RPAP1: variants seen among roughly 807,000 people sequenced by gnomAD.
The protein encoded by RPAP1 is RNA polymerase II associated protein 1, also known as RNA polymerase II-associated protein 1.
Under a neutral mutation model 142.4 loss-of-function variants are expected in RPAP1, and 109 were observed. The observed-to-expected ratio is 0.77, with a 90% CI of 0.66 to 0.90. The LOEUF (loss-of-function observed/expected upper bound fraction) is 0.90. Among genes scored for constraint, RPAP1 ranks in the 40% least tolerant of loss-of-function variants. RPAP1 has a pLI of 0.00. For synonymous variants in RPAP1, 704 were observed against 738.9 expected, an observed-to-expected ratio of 0.95 and a Z score of 0.77; for missense variants, 1,546 against 1,751.7, an observed-to-expected ratio of 0.88 and a Z score of 2.10.
chr15:41,528,071 T>C, intron 10 of RPAP1, 44 bp from the exon 11 acceptor site: 2 of 1,604,192 alleles, frequency 1.2e-6, no homozygotes, highest in Non-Finnish European at 8.5e-7. Context: ...GCTGAAGTTA[T>C]CTAGAGGCTT....
At chr15:41,543,325 TC>T (rs2051989601) in intron 1 of RPAP1, among the ~76,000 whole-genome samples, 1 of 147,488 alleles carries the variant, frequency 6.8e-6, no homozygotes, top group African/African-American at 2.5e-5. Flanking sequence ...TTCTCCTGCC[TC>T]AGGCTCCCGA....
At chr15:41,543,838 C>T (rs1034769576) in intron 1 of RPAP1, 1 of 152,076 alleles carries the variant, frequency 6.6e-6, no homozygotes. Flanking sequence ...TAAAGAGTAA[C>T]TCGTAAAAAA....
At position 41,536,617 on chromosome 15, in the gene RPAP1, A is replaced by G. The variant is rs1163329949; in HGVS notation, c.214T>C (p.Ser72Pro). 6.2e-6 allele frequency: 10 copies of G among 1,613,946 alleles called. No homozygotes were observed. The highest frequency in any genetic ancestry group is 7.6e-6 in the Non-Finnish European group (9 of 1,179,992). Reference protein sequence around the residue: ...LPDLPPALVPSPPKRARPSPG... With the variant: ...LPDLPPALVPPPPKRARPSPG... Reference sequence around the variant, plus strand: ...CTGGGCCTGGCTCTCTTTGGAGGAGAAGGGACCAAAGCTGGGGGCAAATCT... The same window carrying G: ...CTGGGCCTGGCTCTCTTTGGAGGAGGAGGGACCAAAGCTGGGGGCAAATCT... The change falls in exon 3 of 25, where the codon TCT (serine) becomes CCT (proline). Residue 72 changes from serine (S) to proline (P), a missense_variant. By Grantham distance (74) the Ser-to-Pro change is moderately conservative. Transcript: ENST00000304330.
At position 41,535,504 on chromosome 15, in the gene RPAP1, C is replaced by T. The variant is rs769649819; in HGVS notation, c.541+8G>A. On this transcript the variant is annotated splice_region_variant and intron_variant, in intron 5 of 24. Transcript: ENST00000304330. ...GGCCAAGCCCAATCCTCTTCAACCCCGGCTCACCCTCTGGTGGGCCCACGT... is the reference window on the plus strand; with the variant it reads ...GGCCAAGCCCAATCCTCTTCAACCCTGGCTCACCCTCTGGTGGGCCCACGT... 1.7e-5 allele frequency: 27 copies of T among 1,597,682 alleles called. No individual in the cohort carries two copies. The highest frequency in any genetic ancestry group is 3.4e-5 in the South Asian group (3 of 88,122).
At chr15:41,530,884 C>G in intron 7 of RPAP1, 139 bp downstream of exon 7, 1 of 827,076 alleles carries the variant, frequency 1.2e-6, no homozygotes. Context: ...TGAAGACTGA[C>G]TTGAAGCCAA....
At chr15:41,541,923 T>G (rs2051976184) in intron 1 of RPAP1, among the ~76,000 whole-genome samples, 1 of 152,112 alleles carries the variant, frequency 6.6e-6, no homozygotes, top group Admixed American at 6.6e-5. Context: ...ATCTAATAAC[T>G]AAGCCAGCCT....
Position 41,534,826 on chromosome 15 carries a change from A to G in RPAP1, c.651T>C (p.Asp217=). Residue 217 remains aspartate (D), a synonymous_variant, in exon 6 of 25, where the codon GAT becomes GAC. Coordinates refer to ENST00000304330, the MANE Select transcript of RPAP1 (RefSeq NM_015540.4). ...TCTGGGCTTCCTGCTCAGCTTCTTG[A>G]TCCCTGAGCCCCTTCCCTGTGACCA... ...PNLVTGKGLR[D]QEAEQEAQTI... The G allele has an allele frequency of 6.2e-7, 1 of 1,614,040 alleles. No individual in the cohort carries two copies. Among genetic ancestry groups the G allele is most frequent in the Non-Finnish European group, 8.5e-7 (1 of 1,179,994 alleles).
At position 41,525,025 on chromosome 15, in the gene RPAP1, C is replaced by T. The variant is rs1376288434; in HGVS notation, c.2041G>A (p.Ala681Thr). The T allele has an allele frequency of 1.2e-6, 2 of 1,613,846 alleles. No individual in the cohort carries two copies. The highest frequency in any genetic ancestry group is 1.7e-6 in the Non-Finnish European group (2 of 1,179,956). Residue 681 changes from alanine (A) to threonine (T), a missense_variant, in exon 15 of 25, where the codon GCT (alanine) becomes ACT (threonine). Coordinates refer to ENST00000304330, the MANE Select transcript of RPAP1 (RefSeq NM_015540.4). ...TAACCGCCCTGGCCATAGGAGGCAGCCACAGCCCACAGACGGAGGGCCTCG... is the reference window on the plus strand; with the variant it reads ...TAACCGCCCTGGCCATAGGAGGCAGTCACAGCCCACAGACGGAGGGCCTCG... ...STEALRLWAV[A>T]ASYGQGGYLY...
chr15:41,521,684 C>T (rs539722982), intron 21 of RPAP1, 54 bp downstream of exon 21: 150 of 1,592,656 alleles, frequency 9.4e-5, no homozygotes, highest in Non-Finnish European at 1.2e-4. Context: ...GCTCTGTTAA[C>T]AACTGCAGCA....
intron 8 of RPAP1, 96 bp downstream of exon 8, chr15:41,529,768 T>G: frequency 1.1e-6 from 1 of 939,096 alleles, no homozygotes; most frequent in Non-Finnish European, 1.6e-6. Flanking sequence ...TCTCAGGCTC[T>G]GGGCAATAGA....
intron 14 of RPAP1, 71 bp downstream of exon 14, chr15:41,526,827 G>C: frequency 6.8e-7 from 1 of 1,460,726 alleles, no homozygotes; most frequent in Non-Finnish European, 9.2e-7. Context: ...CAGAGTTCAG[G>C]AGCCATGTTT....
At chr15:41,524,530 TGATGGA>T (rs1278743720) in intron 15 of RPAP1, among the ~76,000 whole-genome samples, 9 of 140,768 alleles carry the variant, frequency 6.4e-5, no homozygotes, top group African/African-American at 2.5e-4. Flanking sequence ...TGCAGTGGAG[TGATGGA>T]GTGATCTCGG....
rs139677678 is a variant in RPAP1 at position 41,529,896 on chromosome 15, A to T, written c.1027T>A (p.Leu343Met). 1.6e-3 allele frequency: 2,630 copies of T among 1,612,600 alleles called. 5 individuals carry two copies. Among genetic ancestry groups the T allele is most frequent in the Non-Finnish European group, 2.0e-3 (2,301 of 1,179,298 alleles). Residue 343 changes from leucine (L) to methionine (M), a missense_variant, in exon 8 of 25, where the codon TTG becomes ATG. Transcript: ENST00000304330. ...ELEKLHWTQD[L>M]PPVRRQQTQE... ...GTCTGCTGCCGCCGGACAGGGGGCAAGTCCTGGGTCCAGTGGAGCTTCTCC... is the reference window on the plus strand; with the variant it reads ...GTCTGCTGCCGCCGGACAGGGGGCATGTCCTGGGTCCAGTGGAGCTTCTCC...
rs150745214 is a variant in RPAP1 at position 41,527,521 on chromosome 15, C to T, written c.1513G>A (p.Asp505Asn). The change falls in exon 12 of 25, where the codon GAC (aspartate) becomes AAC (asparagine). Residue 505 changes from aspartate to asparagine, a missense_variant. This residue lies in a region of RPAP1 where 1,333 missense variants were observed against 1,486.6 expected (regional missense o/e 0.90). Coordinates refer to ENST00000304330, the MANE Select transcript of RPAP1 (RefSeq NM_015540.4). ...CCTGCTGGGCATTCTTCATCCTCGTCCTCATCCTCCTTGTCCTCCTGGCTG... is the reference window on the plus strand; with the variant it reads ...CCTGCTGGGCATTCTTCATCCTCGTTCTCATCCTCCTTGTCCTCCTGGCTG... ...MPSQEDKEDE[D>N]EDEECPAGKA... The T allele has an allele frequency of 1.3e-4, 211 of 1,613,898 alleles. 3 individuals carry two copies. The East Asian group carries it at 1.9e-3, about 14-fold the overall frequency.
Position 41,537,112 on chromosome 15 carries a change from G to C in RPAP1, c.14C>G (p.Pro5Arg). 2 of 1,613,892 alleles carry C rather than the reference G, an allele frequency of 1.2e-6. No homozygotes were observed. Among genetic ancestry groups the C allele is most frequent in the Non-Finnish European group, 1.7e-6 (2 of 1,179,940 alleles). ...GTCCACCTCGGACTCCCCTGGCTTCGGTCTCGACAGCATCTTGCTGCTCCA... is the reference window on the plus strand; with the variant it reads ...GTCCACCTCGGACTCCCCTGGCTTCCGTCTCGACAGCATCTTGCTGCTCCA... MLSR[P>R]KPGESEVDLL... Residue 5 changes from proline to arginine, a missense_variant, in exon 2 of 25, where the codon CCG (proline) becomes CGG (arginine). Coordinates refer to ENST00000304330, the MANE Select transcript of RPAP1 (RefSeq NM_015540.4).
chr15:41,523,103 C>T, intron 18 of RPAP1, 142 bp downstream of exon 18: 1 of 910,082 alleles, frequency 1.1e-6, no homozygotes, highest in Non-Finnish European at 1.6e-6. Flanking sequence ...GCCCACCCCA[C>T]TGCTGCCTGC....
rs981849974 is a variant in RPAP1, at chr15:41,535,639, G to C, written c.421-7C>G. 1 of 1,606,222 alleles carries C rather than the reference G, an allele frequency of 6.2e-7. No individual in the cohort carries two copies. Among genetic ancestry groups the C allele is most frequent in the Admixed American group, 1.7e-5 (1 of 57,746 alleles). ...CAGATGTTGCTGATTTCCCCTGTGG[G>C]GCAAAAAGAAAACCCAGGTTACTGA... On this transcript the variant is annotated splice_polypyrimidine_tract_variant and splice_region_variant and intron_variant, in intron 4 of 24. Coordinates refer to ENST00000304330, the MANE Select transcript of RPAP1 (RefSeq NM_015540.4).
At chr15:41,522,409 A>T in intron 19 of RPAP1, 159 bp from the exon 20 acceptor site, 2 of 708,554 alleles carry the variant, frequency 2.8e-6, no homozygotes, top group Non-Finnish European at 4.7e-6. Flanking sequence ...GTTTTTTTTG[A>T]GATGGAGTTT....
intron 21 of RPAP1, among the ~76,000 whole-genome samples, 165 bp downstream of exon 21, chr15:41,521,573 C>T (rs1227034248): frequency 6.6e-6 from 1 of 152,152 alleles, no homozygotes; most frequent in East Asian, 1.9e-4. Context: ...TGTGGTTAGC[C>T]TGATCCTCAC....
Sources: allele counts gnomAD v4.1 joint callset (sites outside exome capture counted in the v4.1 genomes callset), GRCh38; gene constraint gnomAD v4.1.1; regional missense constraint gnomAD v4.1.1; transcripts MANE v1.5; gene names NCBI Gene and HGNC (gene_info 2026-07-23, HGNC 2026-07-21).